Variants in STK36 observed in about 807,000 individuals in gnomAD.
STK36 encodes serine/threonine kinase 36.
STK36 carries 116 observed loss-of-function variants against 142.2 expected under a neutral mutation model. The ratio of observed to expected loss-of-function variants is 0.82; its 90% confidence interval spans 0.70 to 0.95. The LOEUF is 0.95. STK36 is among the 40% of genes least tolerant of loss of function. STK36 has a pLI of 0.00. For synonymous variants in STK36, 619 were observed against 641.7 expected, an observed-to-expected ratio of 0.96 and a Z score of 0.53; for missense variants, 1,422 against 1,617.2, an observed-to-expected ratio of 0.88 and a Z score of 2.07.
At chr2:218,684,314 C>T (rs1940678043) in intron 10 of STK36, among the ~76,000 whole-genome samples, 1 of 149,100 alleles carries the variant, frequency 6.7e-6, no homozygotes, top group African/African-American at 2.5e-5. Flanking sequence ...GGGGTTTCTC[C>T]ATGTTGGTCA....
chr2:218,683,253 TG>T (rs1356474219), intron 10 of STK36, among the ~76,000 whole-genome samples: 1 of 151,376 alleles, frequency 6.6e-6, no homozygotes, highest in Non-Finnish European at 1.5e-5. Flanking sequence ...AGACTACAGG[TG>T]TATGGCACCA....
intron 10 of STK36, among the ~76,000 whole-genome samples, chr2:218,681,986 G>A (rs1291642581): frequency 6.6e-6 from 1 of 152,052 alleles, no homozygotes; most frequent in South Asian, 2.1e-4. Flanking sequence ...GGAGTGCAAC[G>A]GCACGATCTT....
chr2:218,676,158 CATACT>C lies in STK36; in HGVS notation c.568_572del (p.Leu190Ter). On this transcript the variant is annotated frameshift_variant, in exon 6 of 27. Coordinates refer to ENST00000295709, the MANE Select transcript of STK36 (RefSeq NM_015690.5). LOFTEE classifies it high-confidence loss of function. ...CAGCGGACCTCTGGTCTGTTGGCTGCATACTATATGAACTGGCAGTAGGCACCCCT... is the reference window on the plus strand; with the variant it reads ...CAGCGGACCTCTGGTCTGTTGGCTGCATATGAACTGGCAGTAGGCACCCCT... 6.2e-7 allele frequency: 1 copy of C among 1,614,174 alleles called. No individual in the cohort carries two copies. The highest frequency in any genetic ancestry group is 8.5e-7 in the Non-Finnish European group (1 of 1,180,038).
chr2:218,694,251 CTCTT>C lies in STK36; in HGVS notation c.2337-11_2337-8del. On this transcript the variant is annotated splice_polypyrimidine_tract_variant and intron_variant, in intron 19 of 26. Coordinates refer to ENST00000295709, the MANE Select transcript of STK36 (RefSeq NM_015690.5). This position sits in a 1 kb window ranked among gnomAD's most constrained non-coding sequence, Gnocchi z 4.4. ...AATACTGCTGCATCCCTTGATGTAT[CTCTT>C]TATTCCAGAATGGAGAAGCTAGGCA... 1.2e-6 allele frequency: 2 copies of C among 1,610,550 alleles called. No individual in the cohort carries two copies. The highest frequency in any genetic ancestry group is 2.2e-5 in the East Asian group (1 of 44,856).
chr2:218,677,747 G>A (rs1186654863), intron 6 of STK36, among the ~76,000 whole-genome samples: 1 of 152,230 alleles, frequency 6.6e-6, no homozygotes, highest in African/African-American at 2.4e-5. Context: ...GACTAAGTCA[G>A]TAGTCTGGAG....
intron 26 of STK36, among the ~76,000 whole-genome samples, chr2:218,701,307 AT>A (rs760265629): frequency 0.069 from 9,479 of 136,610 alleles, 893 homozygotes; most frequent in African/African-American, 0.22. Flanking sequence ...AATTTTTTGT[AT>A]TTTTTTTTTT....
At chr2:218,695,142 A>G (rs1162489366) in intron 21 of STK36, among the ~76,000 whole-genome samples, 1 of 149,228 alleles carries the variant, frequency 6.7e-6, no homozygotes, top group African/African-American at 2.5e-5. Flanking sequence ...TCTTCCTTTC[A>G]TTTTTAGACC....
intron 6 of STK36, among the ~76,000 whole-genome samples, chr2:218,678,070 C>T (rs924564038): frequency 3.3e-5 from 5 of 152,132 alleles, no homozygotes; most frequent in South Asian, 2.1e-4. Flanking sequence ...GGATTACAGG[C>T]GTGAGCCACT....
Position 218,680,703 on chromosome 2 carries a change from G to A in STK36, c.1236+1G>A. ...TGATGTAGTGGACCTGGAAAATGAG[G>A]TGAGCCCTAGGGTCTCTTACTGACT... On this transcript the variant is annotated splice_donor_variant, in intron 10 of 26. Coordinates refer to ENST00000295709, the MANE Select transcript of STK36 (RefSeq NM_015690.5). LOFTEE classifies it high-confidence loss of function. The A allele has an allele frequency of 6.2e-7, 1 of 1,610,150 alleles. No homozygotes were observed. Among genetic ancestry groups the A allele is most frequent in the Non-Finnish European group, 8.5e-7 (1 of 1,178,448 alleles).
At chr2:218,673,116 G>C (rs977930705) in intron 2 of STK36, 2 of 512,922 alleles carry the variant, frequency 3.9e-6, no homozygotes, top group Non-Finnish European at 7.0e-6. Flanking sequence ...TAGAATTATG[G>C]ACAAATTACT....
intron 23 of STK36, 106 bp from the exon 24 acceptor site, chr2:218,697,357 A>T: frequency 1.3e-6 from 2 of 1,527,336 alleles, no homozygotes; most frequent in Non-Finnish European, 1.8e-6. Context: ...GAGCTGCTCT[A>T]AGATGGGGAA....
chr2:218,699,057 T>G lies in STK36; in HGVS notation c.3513T>G (p.Ser1171Arg), dbSNP rs566285340. 6.2e-6 allele frequency: 10 copies of G among 1,614,046 alleles called. No individual in the cohort carries two copies. In the East Asian group the frequency reaches 2.2e-4, roughly 36 times the overall value. ...ACAAGGATCCTGTTGTGCGGTGCAG[T>G]GCCAGCTTTGCTGTGGGCAATGCAG... Reference protein sequence around the residue: ...LGDKDPVVRCSASFAVGNAAY... With the variant: ...LGDKDPVVRCRASFAVGNAAY... The change falls in exon 26 of 27, where the codon AGT becomes AGG. Residue 1171 changes from serine to arginine, a missense_variant. By Grantham distance (110) the Ser-to-Arg change is moderately radical (BLOSUM62 -1). Coordinates refer to ENST00000295709, the MANE Select transcript of STK36 (RefSeq NM_015690.5).
At position 218,675,267 on chromosome 2, in the gene STK36, A is replaced by G. The variant is rs73079025; in HGVS notation, c.304-76A>G. 17,408 of 1,519,200 alleles carry G rather than the reference A, an allele frequency of 0.011. 1,659 individuals are homozygous for G. The African/African-American group carries it at 0.21, about 18-fold the overall frequency. 94.1% of individuals were successfully genotyped at this position (1,519,200 alleles called of 1,614,324 possible). On this transcript the variant is annotated intron_variant, in intron 4 of 26. Coordinates refer to ENST00000295709, the MANE Select transcript of STK36 (RefSeq NM_015690.5). ...GAAGAAAAGATTAGCAGTAATATTAAGAGAAATTTTTGGGCTTGTCAGCCA... is the reference window on the plus strand; with the variant it reads ...GAAGAAAAGATTAGCAGTAATATTAGGAGAAATTTTTGGGCTTGTCAGCCA...
At chr2:218,695,218 A>G (rs1267242772) in intron 21 of STK36, among the ~76,000 whole-genome samples, 2 of 137,244 alleles carry the variant, frequency 1.5e-5, no homozygotes, top group African/African-American at 2.8e-5. Context: ...AATTATTGTC[A>G]TCCCTTTTTT....
intron 5 of STK36, 52 bp downstream of exon 5, chr2:218,675,525 T>C: frequency 1.3e-6 from 2 of 1,509,198 alleles, no homozygotes; most frequent in Admixed American, 2.1e-5. Flanking sequence ...GGAATCTTTT[T>C]TTTTTTTTTT....
In STK36 at chr2:218,698,768, C is replaced by T. The variant is rs1409236777; in HGVS notation, c.3224C>T (p.Pro1075Leu). 1.9e-6 allele frequency: 3 copies of T among 1,614,188 alleles called. No homozygotes were observed. The highest frequency in any genetic ancestry group is 3.3e-4 in the Middle Eastern group (2 of 6,062). ...TCAGTTGCCCTCCTGAGTGACCAGC[C>T]ACTGTTGACCTCCGACCTTCTCTCT... ...FLSVALLSDQ[P>L]LLTSDLLSLL... is the part of the protein sequence containing the mutation. The change falls in exon 26 of 27, where the codon CCA becomes CTA. Residue 1075 changes from proline (P) to leucine (L), a missense_variant. Around this residue, in one of 2 missense-constraint regions of STK36, gnomAD observed 962 missense variants for 1,167.5 expected, o/e 0.82. Coordinates refer to ENST00000295709, the MANE Select transcript of STK36 (RefSeq NM_015690.5).
intron 15 of STK36, 132 bp from the exon 16 acceptor site, chr2:218,692,451 A>G (rs1475822533): frequency 1.3e-6 from 2 of 1,492,138 alleles, no homozygotes; most frequent in East Asian, 2.3e-5. Flanking sequence ...GAGGGAAACA[A>G]ACAGACCTCA....
intron 16 of STK36, 22 bp from the exon 17 acceptor site, chr2:218,693,218 G>A (rs1475406533): frequency 6.2e-7 from 1 of 1,606,036 alleles, no homozygotes; most frequent in Non-Finnish European, 8.5e-7. Context: ...ATAGGATTGA[G>A]CCTTCAGGTA....
intron 13 of STK36, 123 bp downstream of exon 13, chr2:218,690,079 C>A: frequency 2.1e-6 from 2 of 931,962 alleles, no homozygotes; most frequent in Non-Finnish European, 3.3e-6. Flanking sequence ...GTTTAGGAAT[C>A]AGCTGAGTGG....
Sources: allele counts gnomAD v4.1 joint callset (sites outside exome capture counted in the v4.1 genomes callset), GRCh38; gene constraint gnomAD v4.1.1; regional missense constraint gnomAD v4.1.1; non-coding constraint Gnocchi (gnomAD v3.1); transcripts MANE v1.5; gene names NCBI Gene and HGNC (gene_info 2026-07-23, HGNC 2026-07-21).